PLA2G10: variants seen among roughly 807,000 people sequenced by gnomAD.
PLA2G10 encodes the protein group 10 secretory phospholipase A2.
Under a neutral mutation model 7.9 loss-of-function variants are expected in PLA2G10, and 9 were observed. The observed-to-expected ratio is 1.14, with a 90% CI of 0.68 to 1.98. The LOEUF (loss-of-function observed/expected upper bound fraction) is 1.98. Among genes scored for constraint, PLA2G10 ranks in the 30% most tolerant of loss-of-function variants. The pLI is 0.00. For missense variants in PLA2G10, 53 were observed against 65.4 expected (o/e 0.81, Z 0.66); for synonymous variants, 19 against 27.5 (o/e 0.69, Z 0.97).
chr16:14,673,803 G>C (rs1960654565), intron 3 of PLA2G10, among the ~76,000 whole-genome samples: 1 of 152,136 alleles, frequency 6.6e-6, no homozygotes, highest in South Asian at 2.1e-4. Context: ...TGAGTTGAAA[G>C]CATTCATTCC....
chr16:14,678,116 G>C (rs973717649), intron 3 of PLA2G10, among the ~76,000 whole-genome samples: 1 of 152,138 alleles, frequency 6.6e-6, no homozygotes, highest in African/African-American at 2.4e-5. Context: ...ATGTAGTGGG[G>C]AGGGGACTCT....
At chr16:14,672,856 T>A (rs1273224865) in intron 3 of PLA2G10, 107 bp from the exon 4 acceptor site, 2 of 1,036,024 alleles carry the variant, frequency 1.9e-6, no homozygotes, top group Admixed American at 4.2e-5. Flanking sequence ...TCTGAGACAC[T>A]TGACAGCCCA....
intron 3 of PLA2G10, among the ~76,000 whole-genome samples, chr16:14,677,421 C>A (rs1004999907): frequency 6.6e-6 from 1 of 152,156 alleles, no homozygotes; most frequent in South Asian, 2.1e-4. Flanking sequence ...GGCTGGAGTG[C>A]AGTGGCACGA....
At chr16:14,684,527 G>A (rs1339202977) in intron 3 of PLA2G10, among the ~76,000 whole-genome samples, 3 of 151,858 alleles carry the variant, frequency 2.0e-5, no homozygotes, top group Non-Finnish European at 2.9e-5. Context: ...TTAGCTGGGC[G>A]TGGTGGCGGG....
At chr16:14,681,340 G>C (rs182513784) in intron 3 of PLA2G10, among the ~76,000 whole-genome samples, 1 of 151,984 alleles carries the variant, frequency 6.6e-6, no homozygotes, top group Non-Finnish European at 1.5e-5. Flanking sequence ...ACAGGAATTC[G>C]GTAACTCATC....
chr16:14,680,181 C>A (rs1960850615), intron 3 of PLA2G10, among the ~76,000 whole-genome samples: 1 of 151,534 alleles, frequency 6.6e-6, no homozygotes, highest in Non-Finnish European at 1.5e-5. Context: ...TCATTGCAAC[C>A]TCTCTGTCTT....
At chr16:14,678,189 A>G (rs766632949) in intron 3 of PLA2G10, among the ~76,000 whole-genome samples, 2 of 152,098 alleles carry the variant, frequency 1.3e-5, no homozygotes, top group Non-Finnish European at 2.9e-5. Context: ...GGCTGGCTGA[A>G]GGCCGGCTGT....
chr16:14,673,016 CT>C lies in PLA2G10; in HGVS notation c.356-268del, dbSNP rs1293093227. Among the ~76,000 whole-genome samples the C allele has an allele frequency of 7.3e-3, 940 of 128,568 alleles. 4 individuals are homozygous for C. Among genetic ancestry groups the C allele is most frequent in the African/African-American group, 0.021 (733 of 35,106 alleles). The allele number at this position is 128,568 out of a possible 152,430, so 84.3% of individuals were successfully genotyped here. ...TATTACACGATTTCTTTTTTCTTTT[CT>C]TTTTTTTTTTTTTTTTTTCTGAGAT... On this transcript the variant is annotated intron_variant, in intron 3 of 3. Coordinates refer to ENST00000438167, the MANE Select transcript of PLA2G10 (RefSeq NM_003561.3).
chr16:14,685,370 C>CAA (rs1237588588), intron 3 of PLA2G10, among the ~76,000 whole-genome samples: 10 of 62,930 alleles, frequency 1.6e-4, no homozygotes, highest in African/African-American at 4.4e-4. Context: ...GATTTCGTGT[C>CAA]AAAAAAAAAA....
intron 3 of PLA2G10, among the ~76,000 whole-genome samples, chr16:14,674,538 TA>T (rs1354825502): frequency 1.3e-5 from 2 of 152,004 alleles, no homozygotes; most frequent in East Asian, 3.9e-4. Context: ...CCATTTCTAC[TA>T]AAAATACAAA....
intron 3 of PLA2G10, among the ~76,000 whole-genome samples, chr16:14,675,404 T>G (rs1305535278): frequency 1.3e-5 from 2 of 152,012 alleles, no homozygotes; most frequent in Non-Finnish European, 2.9e-5. Flanking sequence ...CCCCTGGACA[T>G]TGACCTAGGC....
At chr16:14,679,866 C>G (rs1016328640) in intron 3 of PLA2G10, among the ~76,000 whole-genome samples, 1 of 151,866 alleles carries the variant, frequency 6.6e-6, no homozygotes, top group African/African-American at 2.4e-5. Flanking sequence ...AAACCCAACT[C>G]TCTTTAAGCA....
chr16:14,672,927 G>A (rs1311613514), intron 3 of PLA2G10, among the ~76,000 whole-genome samples, 178 bp from the exon 4 acceptor site: 2 of 151,776 alleles, frequency 1.3e-5, no homozygotes, highest in East Asian at 3.9e-4. Flanking sequence ...CCATTTTACA[G>A]AAAAGGAAAT....
chr16:14,674,497 TCG>T (rs1156422110), intron 3 of PLA2G10, among the ~76,000 whole-genome samples: 1 of 152,054 alleles, frequency 6.6e-6, no homozygotes, highest in Non-Finnish European at 1.5e-5. Context: ...TGAGGTCAGT[TCG>T]AGACCAGCCT....
At chr16:14,674,595 G>A (rs1960675806) in intron 3 of PLA2G10, among the ~76,000 whole-genome samples, 1 of 152,036 alleles carries the variant, frequency 6.6e-6, no homozygotes, top group Admixed American at 6.6e-5. Flanking sequence ...CAGCTGATCG[G>A]GAGGCTAAGG....
At chr16:14,676,200 T>C (rs1960721296) in intron 3 of PLA2G10, among the ~76,000 whole-genome samples, 1 of 152,224 alleles carries the variant, frequency 6.6e-6, no homozygotes, top group African/African-American at 2.4e-5. Flanking sequence ...GAAAACAGTA[T>C]GGAGATTTCT....
At chr16:14,676,092 C>T (rs1960719191) in intron 3 of PLA2G10, among the ~76,000 whole-genome samples, 1 of 152,080 alleles carries the variant, frequency 6.6e-6, no homozygotes, top group Admixed American at 6.6e-5. Context: ...GCCAGAATGG[C>T]CATTATTGAA....
At chr16:14,687,196 AAAAAT>A (rs1382771713) in intron 3 of PLA2G10, among the ~76,000 whole-genome samples, 12 of 152,012 alleles carry the variant, frequency 7.9e-5, no homozygotes, top group Non-Finnish European at 1.2e-4. Context: ...TAAATAATAT[AAAAAT>A]AAAATAAATA....
intron 3 of PLA2G10, among the ~76,000 whole-genome samples, chr16:14,673,006 T>C (rs968442526): frequency 1.3e-5 from 2 of 151,172 alleles, no homozygotes; most frequent in African/African-American, 2.4e-5. Flanking sequence ...CACGATTTCT[T>C]TTTTCTTTTC....
Sources: allele counts gnomAD v4.1 joint callset (sites outside exome capture counted in the v4.1 genomes callset), GRCh38; gene constraint gnomAD v4.1.1; transcripts MANE v1.5; gene names NCBI Gene and HGNC (gene_info 2026-07-23, HGNC 2026-07-21).